SMYD3: variants seen among roughly 807,000 people sequenced by gnomAD.
The protein encoded by SMYD3 is histone-lysine N-methyltransferase SMYD3.
In SMYD3, 36 loss-of-function variants were observed where a neutral mutation model predicts 57.7. The ratio of observed to expected loss-of-function variants is 0.62; its 90% CI spans 0.48 to 0.82. The LOEUF (loss-of-function observed/expected upper bound fraction) is 0.82, where lower values mean the gene tolerates loss of function less well. Among genes scored for constraint, SMYD3 ranks in the 40% least tolerant of loss-of-function variants. The pLI is 0.00. For synonymous variants in SMYD3, 211 were observed against 195.0 expected, an observed-to-expected ratio of 1.08 and a Z score of -0.68; for missense variants, 515 against 538.8, an observed-to-expected ratio of 0.96 and a Z score of 0.44.
At chr1:245,944,362 A>G (rs2057363797) in intron 5 of SMYD3, among the ~76,000 whole-genome samples, 1 of 152,216 alleles carries the variant, frequency 6.6e-6, no homozygotes, top group Admixed American at 6.5e-5. Context: ...ACATGCAGAG[A>G]GCCAAATGAT....
chr1:245,753,070 G>A (rs917823916), intron 11 of SMYD3, among the ~76,000 whole-genome samples: 1 of 152,196 alleles, frequency 6.6e-6, no homozygotes, highest in Non-Finnish European at 1.5e-5. Flanking sequence ...TGCTGGTCAT[G>A]TTCTGTGTTC....
intron 5 of SMYD3, among the ~76,000 whole-genome samples, chr1:245,932,633 C>T (rs2056788115): frequency 6.6e-6 from 1 of 152,156 alleles, no homozygotes; most frequent in Admixed American, 6.5e-5. Flanking sequence ...GATCATGGCT[C>T]ACTGCAGCCT....
intron 5 of SMYD3, among the ~76,000 whole-genome samples, chr1:246,222,906 T>C (rs987562387): frequency 4.6e-5 from 7 of 152,186 alleles, no homozygotes; most frequent in African/African-American, 1.7e-4. Context: ...TGCTCTAATA[T>C]TGTAATTTCA....
Position 246,319,664 on chromosome 1 carries a change from C to T in SMYD3, c.531+7537G>A, listed in dbSNP as rs114771980. ...GAAACCCTCAAGTGACAAACATATA[C>T]ACACTCCTGACCTTTCAAAACAACA... On this transcript the variant is annotated intron_variant, in intron 5 of 11. Transcript: ENST00000490107. 9.6e-3 allele frequency among the ~76,000 whole-genome samples: 1,466 copies of T among 152,238 alleles called. 11 individuals carry two copies. Among genetic ancestry groups the T allele is most frequent in the Middle Eastern group, 0.024 (7 of 294 alleles).
intron 10 of SMYD3, among the ~76,000 whole-genome samples, chr1:245,764,647 C>G (rs990818601): frequency 6.6e-6 from 1 of 152,036 alleles, no homozygotes; most frequent in African/African-American, 2.4e-5. Flanking sequence ...TGAATCTCAG[C>G]TGTGGAGTCC....
chr1:246,296,995 AG>A (rs1407365062), intron 5 of SMYD3, among the ~76,000 whole-genome samples: 1 of 152,196 alleles, frequency 6.6e-6, no homozygotes, highest in African/African-American at 2.4e-5. Context: ...TAGAGATTTG[AG>A]GAAAGTGCTA....
At chr1:246,255,226 C>T (rs113217639) in intron 5 of SMYD3, among the ~76,000 whole-genome samples, 6,754 of 151,818 alleles carry the variant, frequency 0.044, 508 homozygotes, top group African/African-American at 0.15. Flanking sequence ...GAGAATGCTC[C>T]CAGTTTTTGT....
intron 8 of SMYD3, among the ~76,000 whole-genome samples, chr1:245,892,635 C>T (rs999294657): frequency 1.3e-5 from 2 of 152,196 alleles, no homozygotes; most frequent in South Asian, 4.1e-4. Context: ...GTATAATATC[C>T]TGTGGCTTTA....
At chr1:245,887,371 G>T (rs532088720) in intron 8 of SMYD3, among the ~76,000 whole-genome samples, 1 of 152,214 alleles carries the variant, frequency 6.6e-6, no homozygotes, top group East Asian at 1.9e-4. Flanking sequence ...ATATCATCAA[G>T]AAATAACCAT....
intron 11 of SMYD3, among the ~76,000 whole-genome samples, chr1:245,762,782 C>T (rs146560596): frequency 5.9e-5 from 9 of 152,286 alleles, no homozygotes; most frequent in African/African-American, 1.7e-4. Context: ...TCCATGTGGG[C>T]GGCTGCCAGT....
At chr1:246,461,134 C>T (rs964803753) in intron 1 of SMYD3, among the ~76,000 whole-genome samples, 11 of 152,284 alleles carry the variant, frequency 7.2e-5, no homozygotes, top group East Asian at 3.9e-4. Flanking sequence ...ATCAAATAAG[C>T]GTTGGGCATC....
At chr1:245,994,469 G>A (rs1442406486) in intron 5 of SMYD3, among the ~76,000 whole-genome samples, 1 of 152,168 alleles carries the variant, frequency 6.6e-6, no homozygotes, top group African/African-American at 2.4e-5. Flanking sequence ...CGCTGTGAGA[G>A]TTACTCTCTC....
intron 1 of SMYD3, among the ~76,000 whole-genome samples, chr1:246,361,799 CG>C (rs1306963050): frequency 6.6e-6 from 1 of 152,024 alleles, no homozygotes; most frequent in African/African-American, 2.4e-5. Flanking sequence ...TCAGGAGAAA[CG>C]TTGGGAAGGG....
At chr1:246,426,500 G>A (rs2067220663) in intron 1 of SMYD3, among the ~76,000 whole-genome samples, 2 of 152,038 alleles carry the variant, frequency 1.3e-5, no homozygotes, top group South Asian at 2.1e-4. Flanking sequence ...TTTACATAAC[G>A]AATCATATGA....
intron 5 of SMYD3, among the ~76,000 whole-genome samples, chr1:246,074,075 T>G (rs1487638460): frequency 1.3e-5 from 2 of 152,214 alleles, no homozygotes; most frequent in Admixed American, 1.3e-4. Flanking sequence ...TTTTTGTTCT[T>G]TTAGCTCATC....
chr1:245,776,649 T>C (rs1015831489), intron 10 of SMYD3, among the ~76,000 whole-genome samples: 6 of 152,192 alleles, frequency 3.9e-5, no homozygotes, highest in Admixed American at 1.3e-4. Context: ...GAAGAAGTCA[T>C]AGGATGGGTT....
Position 246,277,368 on chromosome 1 carries a change from T to C in SMYD3, c.531+49833A>G, listed in dbSNP as rs151044092. On this transcript the variant is annotated intron_variant, in intron 5 of 11. Coordinates refer to ENST00000490107, the MANE Select transcript of SMYD3 (RefSeq NM_001167740.2). The stretch of plus-strand genomic sequence containing the variant: ...AAAAAGAGACTACATCAAATGCTGG[T>C]GAAGGTGCGGAGCAACTGCTGACTG... Among the ~76,000 whole-genome samples, 489 of 152,270 alleles carry C rather than the reference T, an allele frequency of 3.2e-3. 2 individuals are homozygous for C. Among genetic ancestry groups the C allele is most frequent in the Admixed American group, 7.4e-3 (113 of 15,290 alleles).
rs892758295 is a variant in SMYD3 at position 246,507,000 on chromosome 1, C to T, written c.164+54G>A. On this transcript the variant is annotated intron_variant, in intron 1 of 11. Coordinates refer to ENST00000490107, the MANE Select transcript of SMYD3 (RefSeq NM_001167740.2). ...GCCGGCCGCCCGACGCCCCCCCCTCCCCAGCACCCCACACAGCTCGCGACT... is the reference window on the plus strand; with the variant it reads ...GCCGGCCGCCCGACGCCCCCCCCTCTCCAGCACCCCACACAGCTCGCGACT... The T allele has an allele frequency of 1.8e-5, 20 of 1,139,068 alleles. 1 individual carries two copies. The highest frequency in any genetic ancestry group is 1.7e-4 in the South Asian group (10 of 59,368). 70.6% of individuals were successfully genotyped at this position (1,139,068 alleles called of 1,614,324 possible). A position where few individuals can be genotyped will look rare whatever the true frequency, so the allele number is the denominator to read the frequency against.
At chr1:245,895,587 G>A (rs1026072192) in intron 8 of SMYD3, among the ~76,000 whole-genome samples, 1 of 152,160 alleles carries the variant, frequency 6.6e-6, no homozygotes, top group Non-Finnish European at 1.5e-5. Flanking sequence ...ACTTTCTTGG[G>A]CTGAGAACTT....
Sources: gnomAD v4.1 joint callset for allele counts (sites outside exome capture counted in the v4.1 genomes callset) on GRCh38, gnomAD v4.1.1 for gene constraint, MANE v1.5 for transcripts, NCBI Gene and HGNC (gene_info 2026-07-23, HGNC 2026-07-21) for gene names.